ZNF460: variants seen among roughly 807,000 people sequenced by gnomAD.
ZNF460 encodes zinc finger protein 272.
In ZNF460, 1 loss-of-function variant was observed where a neutral mutation model predicts 8.4. The observed-to-expected ratio is 0.12, with a 90% CI of 0.04 to 0.56. The LOEUF (loss-of-function observed/expected upper bound fraction) is 0.56. Among genes scored for constraint, ZNF460 ranks in the 20% least tolerant of loss-of-function variants. The pLI, the probability that ZNF460 is intolerant of heterozygous loss-of-function variation, is 0.91. For missense variants in ZNF460, 477 were observed against 714.8 expected (o/e 0.67, Z 3.79); for synonymous variants, 262 against 259.9 (o/e 1.01, Z -0.08).
In ZNF460 at chr19:57,284,599, T is replaced by TG; in HGVS notation, c.84dup (p.Gln29AlafsTer26). ...GGCTGTGACATTTACCCAGGAGGAG[T>TG]GGGGGCAGTTGGACGTGACCCAGAG... is the stretch of plus-strand genomic sequence containing the variant. On this transcript the variant is annotated frameshift_variant, in exon 2 of 3. Coordinates refer to ENST00000360338, the MANE Select transcript of ZNF460 (RefSeq NM_006635.4). LOFTEE classifies it high-confidence loss of function. 1 of 1,612,642 alleles carries TG rather than the reference T, an allele frequency of 6.2e-7. No individual in the cohort carries two copies. Among genetic ancestry groups the TG allele is most frequent in the Non-Finnish European group, 8.5e-7 (1 of 1,179,536 alleles).
chr19:57,292,513 G>T lies in ZNF460; in HGVS notation c.*283G>T. The T allele has an allele frequency of 3.1e-6, 1 of 321,732 alleles. No individual in the cohort carries two copies. Among genetic ancestry groups the T allele is most frequent in the East Asian group, 5.9e-5 (1 of 17,060 alleles). 19.9% of individuals were successfully genotyped at this position (321,732 alleles called of 1,614,324 possible). On this transcript the variant is annotated 3_prime_UTR_variant, in exon 3 of 3. Transcript: ENST00000360338. Reference sequence around the variant, plus strand: ...CCATGAAAGAGACCCAGTGGTTACTGTGCACTTAGGAAAACCTTCAGCCAC... The same window carrying T: ...CCATGAAAGAGACCCAGTGGTTACTTTGCACTTAGGAAAACCTTCAGCCAC...
At chr19:57,289,563 G>A (rs1434286221) in intron 2 of ZNF460, among the ~76,000 whole-genome samples, 1 of 152,102 alleles carries the variant, frequency 6.6e-6, no homozygotes, top group Non-Finnish European at 1.5e-5. Context: ...GCCTCTTGTA[G>A]CTCCTTGACA....
At chr19:57,290,427 G>A (rs948229383) in intron 2 of ZNF460, among the ~76,000 whole-genome samples, 7 of 151,952 alleles carry the variant, frequency 4.6e-5, no homozygotes, top group African/African-American at 1.4e-4. Context: ...ATAGCCGCCC[G>A]CCACCATGCC....
Position 57,293,668 on chromosome 19 carries a change from A to G in ZNF460, c.*1438A>G, listed in dbSNP as rs2087935153. 1.3e-5 allele frequency: 2 copies of G among 152,190 alleles called. No homozygotes were observed. Among genetic ancestry groups the G allele is most frequent in the Non-Finnish European group, 2.9e-5 (2 of 68,020 alleles). 9.4% of individuals were successfully genotyped at this position (152,190 alleles called of 1,614,324 possible). A position where few individuals can be genotyped will look rare whatever the true frequency, so the allele number is the denominator to read the frequency against. On this transcript the variant is annotated 3_prime_UTR_variant, in exon 3 of 3. Coordinates refer to ENST00000360338, the MANE Select transcript of ZNF460 (RefSeq NM_006635.4). ...CTAGCTATTTGAAAATATAAAATGTATTATTGCCAATTGTACTCATTCTGC... is the reference window on the plus strand; with the variant it reads ...CTAGCTATTTGAAAATATAAAATGTGTTATTGCCAATTGTACTCATTCTGC...
chr19:57,289,449 T>A (rs1478618053), intron 2 of ZNF460, among the ~76,000 whole-genome samples: 1 of 152,212 alleles, frequency 6.6e-6, no homozygotes, highest in African/African-American at 2.4e-5. Context: ...CTAAGGCTAA[T>A]ATGTCCTTCT....
At position 57,291,008 on chromosome 19, in the gene ZNF460, A is replaced by G; in HGVS notation, c.467A>G (p.Tyr156Cys). The G allele has an allele frequency of 2.5e-6, 4 of 1,614,220 alleles. No individual in the cohort carries two copies. Among genetic ancestry groups the G allele is most frequent in the Non-Finnish European group, 3.4e-6 (4 of 1,180,034 alleles). Residue 156 changes from tyrosine (Y) to cysteine (C), a missense_variant, in exon 3 of 3, where the codon TAT (tyrosine) becomes TGT (cysteine). Physicochemically the swap from Tyr to Cys is radical, Grantham distance 194 (BLOSUM62 -2). This residue lies in a region of ZNF460 where 169 missense variants were observed against 178.6 expected (regional missense o/e 0.95). Coordinates refer to ENST00000360338, the MANE Select transcript of ZNF460 (RefSeq NM_006635.4). The surrounding 1 kb of genome is among the most constrained non-coding windows in gnomAD (Gnocchi z 8.4). ...PEDALYGFDSYGPVTDSLIHE... is the reference protein window; with the variant it reads ...PEDALYGFDSCGPVTDSLIHE... ...GATGCTCTCTATGGATTTGACTCATATGGACCAGTTACAGATTCCTTGATT... is the reference window on the plus strand; with the variant it reads ...GATGCTCTCTATGGATTTGACTCATGTGGACCAGTTACAGATTCCTTGATT...
intron 1 of ZNF460, among the ~76,000 whole-genome samples, chr19:57,283,769 T>G (rs1285798867): frequency 1.3e-5 from 2 of 152,150 alleles, no homozygotes; most frequent in African/African-American, 4.8e-5. Context: ...CCCAGAGTGC[T>G]GGGATTACAG....
intron 2 of ZNF460, among the ~76,000 whole-genome samples, chr19:57,285,997 T>G (rs1029638146): frequency 9.9e-5 from 15 of 152,240 alleles, no homozygotes; most frequent in South Asian, 2.1e-4. Flanking sequence ...TGTGCCTTAA[T>G]TTTCTTTTTA....
At position 57,280,553 on chromosome 19, in the gene ZNF460, C is replaced by G; in HGVS notation, c.-254C>G. On this transcript the variant is annotated 5_prime_UTR_variant, in exon 1 of 3. Transcript: ENST00000360338. The stretch of plus-strand genomic sequence containing the variant: ...GCCTGAGCAGGGACGGGTAGTGAAG[C>G]GGTTACGCCCCTTCTTCGCGTCTTG... 1 of 565,748 alleles carries G rather than the reference C, an allele frequency of 1.8e-6. No individual in the cohort carries two copies. The highest frequency in any genetic ancestry group is 3.2e-6 in the Non-Finnish European group (1 of 316,680). 35.0% of individuals were successfully genotyped at this position (565,748 alleles called of 1,614,324 possible). A position where few individuals can be genotyped will look rare whatever the true frequency, so the allele number is the denominator to read the frequency against.
intron 1 of ZNF460, among the ~76,000 whole-genome samples, chr19:57,283,164 A>C (rs904671025): frequency 2.7e-5 from 4 of 150,508 alleles, no homozygotes; most frequent in African/African-American, 9.8e-5. Context: ...TTTTTTTACA[A>C]ACAGTTTTTC....
At position 57,292,479 on chromosome 19, in the gene ZNF460, A is replaced by G; in HGVS notation, c.*249A>G. 2.3e-6 allele frequency: 1 copy of G among 439,824 alleles called. No homozygotes were observed. The highest frequency in any genetic ancestry group is 4.1e-6 in the Non-Finnish European group (1 of 245,450). 27.2% of individuals were successfully genotyped at this position (439,824 alleles called of 1,614,324 possible). On this transcript the variant is annotated 3_prime_UTR_variant, in exon 3 of 3. Coordinates refer to ENST00000360338, the MANE Select transcript of ZNF460 (RefSeq NM_006635.4). ...AGCCAAGAGTCTTATTCTACATCTGATAATTCACCCATGAAAGAGACCCAG... is the reference window on the plus strand; with the variant it reads ...AGCCAAGAGTCTTATTCTACATCTGGTAATTCACCCATGAAAGAGACCCAG...
In ZNF460 at chr19:57,294,039, A is replaced by C. The variant is rs369320121; in HGVS notation, c.*1809A>C. 39 of 152,284 alleles carry C rather than the reference A, an allele frequency of 2.6e-4. No individual in the cohort carries two copies. The highest frequency in any genetic ancestry group is 8.4e-4 in the African/African-American group (35 of 41,558). The allele number at this position is 152,284 out of a possible 1,614,324, so 9.4% of individuals were successfully genotyped here. A position where few individuals can be genotyped will look rare whatever the true frequency, so the allele number is the denominator to read the frequency against. On this transcript the variant is annotated 3_prime_UTR_variant, in exon 3 of 3. Transcript: ENST00000360338. Reference sequence around the variant, plus strand: ...TCTTAGCTATTATGAATAGTGCTTCAATAAACATAGGAGTGTAGATCTCTC... The same window carrying C: ...TCTTAGCTATTATGAATAGTGCTTCCATAAACATAGGAGTGTAGATCTCTC...
Position 57,283,583 on chromosome 19 carries a change from C to G in ZNF460, c.31-968C>G, listed in dbSNP as rs574155994. Among the ~76,000 whole-genome samples, 12 of 142,392 alleles carry G rather than the reference C, an allele frequency of 8.4e-5. No individual in the cohort carries two copies. The East Asian group carries it at 2.6e-3, about 31-fold the overall frequency. The allele number at this position is 142,392 out of a possible 152,430, so 93.4% of individuals were successfully genotyped here. A position where few individuals can be genotyped will look rare whatever the true frequency, so the allele number is the denominator to read the frequency against. ...GTGACACAGTCTTGGCTTACTGCAA[C>G]CTCTGCCTCCCAGGTTCAAGCGATT... On this transcript the variant is annotated intron_variant, in intron 1 of 2. Transcript: ENST00000360338.
rs2087925729 is a variant in ZNF460, at chr19:57,292,459, A to G, written c.*229A>G. ...ATTATGTTAGAAATTGACACAGCCAAGAGTCTTATTCTACATCTGATAATT... is the reference window on the plus strand; with the variant it reads ...ATTATGTTAGAAATTGACACAGCCAGGAGTCTTATTCTACATCTGATAATT... On this transcript the variant is annotated 3_prime_UTR_variant, in exon 3 of 3. Transcript: ENST00000360338. 2 of 525,126 alleles carry G rather than the reference A, an allele frequency of 3.8e-6. No homozygotes were observed. The highest frequency in any genetic ancestry group is 3.3e-5 in the East Asian group (1 of 30,598). The allele number at this position is 525,126 out of a possible 1,614,324, so 32.5% of individuals were successfully genotyped here. A position where few individuals can be genotyped will look rare whatever the true frequency, so the allele number is the denominator to read the frequency against.
intron 2 of ZNF460, 33 bp downstream of exon 2, chr19:57,284,710 G>A: frequency 3.2e-6 from 5 of 1,546,248 alleles, no homozygotes; most frequent in East Asian, 2.4e-5. Flanking sequence ...CAAAATCAGG[G>A]GCACCAGAAA....
Position 57,280,522 on chromosome 19 carries a change from T to A in ZNF460, c.-285T>A. On this transcript the variant is annotated 5_prime_UTR_variant, in exon 1 of 3. Transcript: ENST00000360338. ...GGCCTAGAGCGCTGGGTGGGCGCGTTCTGCGGCCTGAGCAGGGACGGGTAG... is the reference window on the plus strand; with the variant it reads ...GGCCTAGAGCGCTGGGTGGGCGCGTACTGCGGCCTGAGCAGGGACGGGTAG... 2.0e-6 allele frequency: 1 copy of A among 511,876 alleles called. No homozygotes were observed. Among genetic ancestry groups the A allele is most frequent in the South Asian group, 2.3e-5 (1 of 44,028 alleles). 31.7% of individuals were successfully genotyped at this position (511,876 alleles called of 1,614,324 possible). A position where few individuals can be genotyped will look rare whatever the true frequency, so the allele number is the denominator to read the frequency against.
intron 1 of ZNF460, among the ~76,000 whole-genome samples, chr19:57,282,242 C>A (rs928787770): frequency 1.3e-5 from 2 of 152,188 alleles, no homozygotes; most frequent in African/African-American, 4.8e-5. Context: ...CTGACATATT[C>A]TGAGAGGGCA....
chr19:57,286,888 C>G (rs1219667088), intron 2 of ZNF460, among the ~76,000 whole-genome samples: 1 of 149,970 alleles, frequency 6.7e-6, no homozygotes, highest in Non-Finnish European at 1.5e-5. Context: ...CGCTTGAACT[C>G]AGGAGGCAGA....
At position 57,292,396 on chromosome 19, in the gene ZNF460, G is replaced by A; in HGVS notation, c.*166G>A. 7.1e-6 allele frequency: 5 copies of A among 705,662 alleles called. No homozygotes were observed. The highest frequency in any genetic ancestry group is 4.1e-5 in the South Asian group (2 of 48,690). 43.7% of individuals were successfully genotyped at this position (705,662 alleles called of 1,614,324 possible). On this transcript the variant is annotated 3_prime_UTR_variant, in exon 3 of 3. Transcript: ENST00000360338. ...AAACTCCATAAGTATCATCTCTGTG[G>A]GAAAACCTGTTTTAGATCATCATTT... is the stretch of plus-strand genomic sequence containing the variant.
Sources: gnomAD v4.1 joint callset for allele counts (sites outside exome capture counted in the v4.1 genomes callset) on GRCh38, gnomAD v4.1.1 for gene constraint, gnomAD v4.1.1 regional missense constraint, Gnocchi (gnomAD v3.1) non-coding constraint, MANE v1.5 for transcripts, NCBI Gene and HGNC (gene_info 2026-07-23, HGNC 2026-07-21) for gene names.